MPP3: variants seen among roughly 807,000 people sequenced by gnomAD.
MPP3 encodes the protein MAGUK p55 scaffold protein 3, also known as MAGUK p55 subfamily member 3.
Under a neutral mutation model 80.7 loss-of-function variants are expected in MPP3, and 48 were observed. The observed-to-expected ratio is 0.59, with a 90% CI of 0.47 to 0.76. The LOEUF (loss-of-function observed/expected upper bound fraction) is 0.76. MPP3 is among the 30% of genes least tolerant of loss of function. MPP3 has a pLI of 0.00. For synonymous variants in MPP3, 311 were observed against 297.6 expected (o/e 1.04, Z -0.46); for missense variants, 620 against 763.0 (o/e 0.81, Z 2.21).
rs1298012401 is a variant in MPP3 at position 43,830,007 on chromosome 17, C to A, written c.303+20G>T. On this transcript the variant is annotated intron_variant, in intron 6 of 19. Coordinates refer to ENST00000398389, the MANE Select transcript of MPP3 (RefSeq NM_001932.6). The stretch of plus-strand genomic sequence containing the variant: ...CAGGAGACCCAGAGGCATGGCTGGG[C>A]AGGGGCTCTGTGTGACTACCCTCAG... 5 of 1,605,544 alleles carry A rather than the reference C, an allele frequency of 3.1e-6. No individual in the cohort carries two copies. The highest frequency in any genetic ancestry group is 4.2e-6 in the Non-Finnish European group (5 of 1,176,740).
chr17:43,815,523 G>C (rs1256188074), intron 14 of MPP3, among the ~76,000 whole-genome samples: 1 of 151,960 alleles, frequency 6.6e-6, no homozygotes, highest in Non-Finnish European at 1.5e-5. Context: ...GATTGTTTGA[G>C]CCTAGGACAT....
intron 16 of MPP3, among the ~76,000 whole-genome samples, chr17:43,812,976 G>C (rs2044940103): frequency 6.6e-6 from 1 of 152,170 alleles, no homozygotes; most frequent in African/African-American, 2.4e-5. Flanking sequence ...TGGGCCCAGG[G>C]GCCCAGGGAG....
chr17:43,814,885 G>C (rs932451005), intron 14 of MPP3, among the ~76,000 whole-genome samples: 3 of 152,154 alleles, frequency 2.0e-5, no homozygotes, highest in Non-Finnish European at 4.4e-5. Flanking sequence ...CTACAACTAA[G>C]TCTCATATGA....
chr17:43,820,833 C>G, intron 11 of MPP3, 29 bp downstream of exon 11: 1 of 1,609,340 alleles, frequency 6.2e-7, no homozygotes, highest in Non-Finnish European at 8.5e-7. Flanking sequence ...ACTCTGGAAC[C>G]AGCCCTTCAC....
At chr17:43,830,214 C>T (rs2143155368) in intron 5 of MPP3, 107 bp from the exon 6 acceptor site, 1 of 711,566 alleles carries the variant, frequency 1.4e-6, no homozygotes, top group Admixed American at 3.6e-5. Context: ...CCCCCAGGGG[C>T]ACACCAGACC....
chr17:43,818,117 G>T lies in MPP3; in HGVS notation c.882-7C>A. Reference sequence around the variant, plus strand: ...TCTCCGGTAGCTTAGTCGTCTGCAGGGACACAAGGGGATGGGCGGGCCCGT... The same window carrying T: ...TCTCCGGTAGCTTAGTCGTCTGCAGTGACACAAGGGGATGGGCGGGCCCGT... On this transcript the variant is annotated splice_polypyrimidine_tract_variant and splice_region_variant and intron_variant, in intron 11 of 19. Coordinates refer to ENST00000398389, the MANE Select transcript of MPP3 (RefSeq NM_001932.6). 6.5e-7 allele frequency: 1 copy of T among 1,531,606 alleles called. No individual in the cohort carries two copies. Among genetic ancestry groups the T allele is most frequent in the East Asian group, 2.5e-5 (1 of 40,210 alleles). The allele number at this position is 1,531,606 out of a possible 1,614,324, so 94.9% of individuals were successfully genotyped here.
chr17:43,813,914 C>G (rs2044982558), intron 16 of MPP3, 97 bp downstream of exon 16: 1 of 1,054,022 alleles, frequency 9.5e-7, no homozygotes, highest in Non-Finnish European at 1.4e-6. Context: ...ATCCTTTAAA[C>G]CCAAAGTAAG....
intron 16 of MPP3, among the ~76,000 whole-genome samples, chr17:43,812,471 A>C (rs1046987344): frequency 6.6e-6 from 1 of 152,110 alleles, no homozygotes; most frequent in Non-Finnish European, 1.5e-5. Context: ...CCAACCTCTC[A>C]GCTCCATTTT....
intron 9 of MPP3, among the ~76,000 whole-genome samples, chr17:43,824,278 T>C (rs1310180495): frequency 1.3e-5 from 2 of 152,174 alleles, no homozygotes; most frequent in African/African-American, 4.8e-5. Flanking sequence ...TTTTCAAAAG[T>C]CAAAGGGACG....
intron 17 of MPP3, 73 bp downstream of exon 17, chr17:43,811,039 G>A: frequency 6.7e-7 from 1 of 1,486,876 alleles, no homozygotes; most frequent in Non-Finnish European, 9.4e-7. Flanking sequence ...AGTCCTCCCA[G>A]GAGCTCTAGT....
intron 11 of MPP3, chr17:43,819,112 G>A (rs1340673551): frequency 4.6e-5 from 7 of 152,130 alleles, no homozygotes; most frequent in Non-Finnish European, 4.4e-5. Context: ...TGAGTTTCTG[G>A]GCAGGACCCA....
rs548913236 is a variant in MPP3, at chr17:43,829,894, A to G, written c.304-103T>C. The G allele has an allele frequency of 1.7e-5, 26 of 1,571,286 alleles. No homozygotes were observed. In the South Asian group the frequency reaches 2.4e-4, roughly 14 times the overall value. ...GAGGGTGGCAGACGCCATGCCAGAG[A>G]GACAACTGCCCAGACACTAGTGCTG... On this transcript the variant is annotated intron_variant, in intron 6 of 19. Transcript: ENST00000398389.
intron 5 of MPP3, 99 bp from the exon 6 acceptor site, chr17:43,830,206 C>A: frequency 1.2e-6 from 1 of 800,120 alleles, no homozygotes; most frequent in East Asian, 3.0e-5. Context: ...AGCTGCAGCC[C>A]CCAGGGGCAC....
In MPP3 at chr17:43,825,651, C is replaced by T. The variant is rs756671849; in HGVS notation, c.609+105G>A. The T allele has an allele frequency of 5.7e-4, 451 of 793,990 alleles. 2 individuals carry two copies. Among genetic ancestry groups the T allele is most frequent in the Middle Eastern group, 9.0e-4 (4 of 4,450 alleles). 49.2% of individuals were successfully genotyped at this position (793,990 alleles called of 1,614,324 possible). On this transcript the variant is annotated intron_variant, in intron 9 of 19. Coordinates refer to ENST00000398389, the MANE Select transcript of MPP3 (RefSeq NM_001932.6). ...AAGGCCACTTTGCCTGCCACCTCCT[C>T]AGGACAACAGCAAGGCTAAGCCAGA...
intron 4 of MPP3, 62 bp downstream of exon 4, chr17:43,831,497 G>T: frequency 7.2e-7 from 1 of 1,395,094 alleles, no homozygotes; most frequent in Non-Finnish European, 1.0e-6. Context: ...GACCTCAGAC[G>T]GCCACAGACA....
chr17:43,830,188 G>A, intron 5 of MPP3, 81 bp from the exon 6 acceptor site: 13 of 1,025,670 alleles, frequency 1.3e-5, no homozygotes, highest in Non-Finnish European at 1.8e-5. Flanking sequence ...CTTTGGAAGG[G>A]CCCACCCAGC....
intron 4 of MPP3, 113 bp downstream of exon 4, chr17:43,831,446 G>A: frequency 6.2e-6 from 8 of 1,290,918 alleles, no homozygotes; most frequent in South Asian, 5.0e-5. Flanking sequence ...CTGTGTAGTG[G>A]GCAAGTGAAG....
chr17:43,831,595 A>G lies in MPP3; in HGVS notation c.108T>C (p.Asp36=). The change falls in exon 4 of 20, where the codon GAT becomes GAC. Residue 36 remains aspartate, a synonymous_variant. Transcript: ENST00000398389. ...AACTGAGGCTTTTTTCACTGAAAAC[A>G]TCCCTCAGGAAGCCCATCTCCTCCT... ...NHKEEMGFLR[D]VFSEKSLSYL... 6.2e-7 allele frequency: 1 copy of G among 1,613,828 alleles called. No individual in the cohort carries two copies. The highest frequency in any genetic ancestry group is 8.5e-7 in the Non-Finnish European group (1 of 1,179,826).
chr17:43,820,639 C>CACACACACACACACAT (rs796095687), intron 11 of MPP3, among the ~76,000 whole-genome samples: 4,721 of 144,910 alleles, frequency 0.033, 133 homozygotes, highest in South Asian at 0.054. Context: ...CACACACACA[C>CACACACACACACACAT]ATTAACTTAA....
Sources: gnomAD v4.1 joint callset for allele counts (sites outside exome capture counted in the v4.1 genomes callset) on GRCh38, gnomAD v4.1.1 for gene constraint, MANE v1.5 for transcripts, NCBI Gene and HGNC (gene_info 2026-07-23, HGNC 2026-07-21) for gene names.